PTPRR: variants seen among roughly 807,000 people sequenced by gnomAD.
The protein encoded by PTPRR is protein tyrosine phosphatase receptor type R, also known as receptor-type tyrosine-protein phosphatase R.
A neutral mutation model predicts 77.2 loss-of-function variants in PTPRR; 38 were observed. That is an observed-to-expected ratio of 0.49 (90% CI 0.38 to 0.65). The LOEUF is 0.65. PTPRR is among the 30% of genes least tolerant of loss of function. The pLI is 0.00. For synonymous variants in PTPRR, 299 were observed against 283.1 expected (o/e 1.06, Z -0.57); for missense variants, 744 against 799.2 (o/e 0.93, Z 0.83).
intron 2 of PTPRR, among the ~76,000 whole-genome samples, chr12:70,868,839 C>A (rs1372976097): frequency 6.6e-6 from 1 of 151,788 alleles, no homozygotes; most frequent in African/African-American, 2.4e-5. Context: ...ATACACCATG[C>A]AATATTATGC....
intron 7 of PTPRR, 70 bp from the exon 8 acceptor site, chr12:70,698,419 T>A: frequency 1.5e-6 from 2 of 1,350,036 alleles, no homozygotes; most frequent in Admixed American, 3.5e-5. Flanking sequence ...CAGGGGGGCA[T>A]CTGATCCAGA....
At chr12:70,885,457 A>G (rs981312322) in intron 2 of PTPRR, among the ~76,000 whole-genome samples, 4 of 152,228 alleles carry the variant, frequency 2.6e-5, no homozygotes, top group African/African-American at 9.6e-5. Context: ...TACTTTTGTA[A>G]AAAATACATG....
intron 13 of PTPRR, among the ~76,000 whole-genome samples, chr12:70,641,889 G>T (rs1207449576): frequency 2.0e-5 from 3 of 152,120 alleles, no homozygotes; most frequent in Non-Finnish European, 4.4e-5. Flanking sequence ...GCTCTCCAAA[G>T]GCTGGAAAAC....
intron 2 of PTPRR, among the ~76,000 whole-genome samples, chr12:70,780,912 T>C (rs1260671566): frequency 1.3e-5 from 2 of 152,192 alleles, no homozygotes; most frequent in Non-Finnish European, 2.9e-5. Flanking sequence ...GTAAAGACCA[T>C]ATAATCTGGT....
rs187584446 is a variant in PTPRR, at chr12:70,819,052, G to A, written c.358-54274C>T. 3.2e-3 allele frequency among the ~76,000 whole-genome samples: 487 copies of A among 152,314 alleles called. 3 individuals carry two copies. The highest frequency in any genetic ancestry group is 0.011 in the African/African-American group (451 of 41,578). On this transcript the variant is annotated intron_variant, in intron 2 of 13. Transcript: ENST00000283228. ...AAATAAAGAGAAGGTCAGGTGTGGT[G>A]GCTCACACCTGTAATCCCGGCATTT...
intron 8 of PTPRR, among the ~76,000 whole-genome samples, chr12:70,688,838 A>G (rs1239107351): frequency 6.6e-6 from 1 of 152,208 alleles, no homozygotes; most frequent in Non-Finnish European, 1.5e-5. Flanking sequence ...TATATACATA[A>G]TGGAGTTCTA....
rs538315697 is a variant in PTPRR, at chr12:70,834,281, T to C, written c.357+58398A>G. On this transcript the variant is annotated intron_variant, in intron 2 of 13. Transcript: ENST00000283228. Reference sequence around the variant, plus strand: ...TACAGGGCTGTGTGCTTTTGCTCCATATTTATGGTGACAAGCTTGTATATC... The same window carrying C: ...TACAGGGCTGTGTGCTTTTGCTCCACATTTATGGTGACAAGCTTGTATATC... 8.5e-5 allele frequency among the ~76,000 whole-genome samples: 13 copies of C among 152,312 alleles called. No individual in the cohort carries two copies. The South Asian group carries it at 2.7e-3, about 32-fold the overall frequency.
intron 2 of PTPRR, among the ~76,000 whole-genome samples, chr12:70,775,375 A>T (rs1891066467): frequency 6.6e-6 from 1 of 152,240 alleles, no homozygotes; most frequent in African/African-American, 2.4e-5. Context: ...AAGTAGTTAA[A>T]GCCTATGGGC....
Position 70,873,668 on chromosome 12 carries a change from C to T in PTPRR, c.357+19011G>A, listed in dbSNP as rs1481274160. 3.3e-5 allele frequency among the ~76,000 whole-genome samples: 5 copies of T among 152,024 alleles called. No individual in the cohort carries two copies. In the South Asian group the frequency reaches 8.3e-4, roughly 25 times the overall value. ...GCTGGATGTACAGGACCACACTTAC[C>T]ATGTGTTACTTTTCCTTCTGTGTGA... On this transcript the variant is annotated intron_variant, in intron 2 of 13. Transcript: ENST00000283228.
intron 2 of PTPRR, among the ~76,000 whole-genome samples, chr12:70,864,057 A>G (rs1892799335): frequency 6.6e-6 from 1 of 152,228 alleles, no homozygotes; most frequent in African/African-American, 2.4e-5. Context: ...AATTTTGTAG[A>G]CATCCAAAGA....
intron 6 of PTPRR, among the ~76,000 whole-genome samples, chr12:70,739,719 G>T (rs925564541): frequency 2.0e-5 from 3 of 152,154 alleles, no homozygotes; most frequent in African/African-American, 7.2e-5. Context: ...GTATATCTGA[G>T]AATTTATAGG....
chr12:70,692,999 A>T (rs1485531471), intron 8 of PTPRR, among the ~76,000 whole-genome samples: 1 of 152,196 alleles, frequency 6.6e-6, no homozygotes, highest in Admixed American at 6.5e-5. Context: ...GAAAGAGTTA[A>T]AGCCCTGTTT....
At chr12:70,831,335 C>G (rs1892208463) in intron 2 of PTPRR, among the ~76,000 whole-genome samples, 1 of 152,166 alleles carries the variant, frequency 6.6e-6, no homozygotes, top group African/African-American at 2.4e-5. Context: ...TACTACTTCA[C>G]TATTTTGAAC....
At chr12:70,867,179 G>A (rs1892868242) in intron 2 of PTPRR, among the ~76,000 whole-genome samples, 1 of 151,536 alleles carries the variant, frequency 6.6e-6, no homozygotes, top group Non-Finnish European at 1.5e-5. Context: ...AGTGTTGGAA[G>A]TTCTGGCCAG....
intron 10 of PTPRR, among the ~76,000 whole-genome samples, chr12:70,670,461 G>T (rs2136695094): frequency 6.6e-6 from 1 of 152,268 alleles, no homozygotes; most frequent in Non-Finnish European, 1.5e-5. Context: ...TTATAATATA[G>T]GAATAGTAAA....
chr12:70,658,563 A>G (rs1886666324), intron 12 of PTPRR, among the ~76,000 whole-genome samples: 1 of 152,232 alleles, frequency 6.6e-6, no homozygotes, highest in Non-Finnish European at 1.5e-5. Flanking sequence ...ATACAATGAA[A>G]GAAGAAAAGA....
At chr12:70,904,239 T>C (rs1893585599) in intron 1 of PTPRR, among the ~76,000 whole-genome samples, 2 of 151,860 alleles carry the variant, frequency 1.3e-5, no homozygotes, top group African/African-American at 2.4e-5. Flanking sequence ...AAAATGTATA[T>C]TCCCACAAAT....
In PTPRR at chr12:70,676,367, G is replaced by A. The variant is rs534352069; in HGVS notation, c.1497+7760C>T. 8.6e-5 allele frequency among the ~76,000 whole-genome samples: 13 copies of A among 151,952 alleles called. 1 individual carries two copies. In the South Asian group the frequency reaches 2.3e-3, roughly 27 times the overall value. On this transcript the variant is annotated intron_variant, in intron 10 of 13. Coordinates refer to ENST00000283228, the MANE Select transcript of PTPRR (RefSeq NM_002849.4). ...TAAATCTTCATAGCCTTTTTGGATAGTAACTTGTTCCTGTGTCAAATTTTT... is the reference window on the plus strand; with the variant it reads ...TAAATCTTCATAGCCTTTTTGGATAATAACTTGTTCCTGTGTCAAATTTTT...
intron 13 of PTPRR, among the ~76,000 whole-genome samples, chr12:70,652,593 A>C (rs919663334): frequency 6.6e-6 from 1 of 152,154 alleles, no homozygotes; most frequent in African/African-American, 2.4e-5. Context: ...TTCAAACTCA[A>C]GGGGGTTGGG....
Sources: allele counts gnomAD v4.1 joint callset (sites outside exome capture counted in the v4.1 genomes callset), GRCh38; gene constraint gnomAD v4.1.1; transcripts MANE v1.5; gene names NCBI Gene and HGNC (gene_info 2026-07-23, HGNC 2026-07-21).